MYO5B: variants seen among roughly 807,000 people sequenced by gnomAD.
MYO5B encodes the protein myosin VB.
MYO5B carries 143 observed loss-of-function variants against 229.3 expected under a neutral mutation model. The observed-to-expected ratio is 0.62, with a 90% CI of 0.54 to 0.72. The LOEUF is 0.72. Ranked by LOEUF, MYO5B falls within the 30% of genes least tolerant of loss-of-function variation. The pLI is 0.00. For synonymous variants in MYO5B, 918 were observed against 885.2 expected (o/e 1.04, Z -0.66); for missense variants, 2,321 against 2,331.0 (o/e 1.00, Z 0.09).
At chr18:49,985,152 A>G (rs2025857514) in intron 7 of MYO5B, among the ~76,000 whole-genome samples, 1 of 152,224 alleles carries the variant, frequency 6.6e-6, no homozygotes, top group Non-Finnish European at 1.5e-5. Flanking sequence ...TTTTGAAAAG[A>G]TCTGATACAA....
intron 10 of MYO5B, among the ~76,000 whole-genome samples, chr18:49,965,457 A>T (rs539064053): frequency 2.1e-5 from 3 of 142,258 alleles, no homozygotes; most frequent in South Asian, 4.3e-4. Flanking sequence ...ACTTCTTTTC[A>T]CACACACACA....
At chr18:49,893,210 G>A (rs75357810) in intron 22 of MYO5B, among the ~76,000 whole-genome samples, 2,305 of 152,308 alleles carry the variant, frequency 0.015, 53 homozygotes, top group African/African-American at 0.053. Context: ...GACAGAGATA[G>A]GTGAGACCTG....
intron 1 of MYO5B, among the ~76,000 whole-genome samples, chr18:50,120,331 C>A (rs1349873964): frequency 6.6e-6 from 1 of 152,230 alleles, no homozygotes; most frequent in Non-Finnish European, 1.5e-5. Context: ...CCATAGGTTT[C>A]TAGCATCTGT....
At chr18:49,948,090 T>G (rs1366006854) in intron 14 of MYO5B, among the ~76,000 whole-genome samples, 2 of 152,028 alleles carry the variant, frequency 1.3e-5, no homozygotes, top group African/African-American at 4.8e-5. Flanking sequence ...CAATTACAGC[T>G]GACACATAGC....
intron 1 of MYO5B, among the ~76,000 whole-genome samples, chr18:50,134,542 G>A (rs1297905217): frequency 6.7e-6 from 1 of 149,324 alleles, no homozygotes; most frequent in East Asian, 2.0e-4. Flanking sequence ...GCGATAGAGT[G>A]AGACTCCATC....
intron 1 of MYO5B, among the ~76,000 whole-genome samples, chr18:50,082,730 A>G (rs2031248220): frequency 6.6e-6 from 1 of 152,230 alleles, no homozygotes; most frequent in African/African-American, 2.4e-5. Context: ...CTTCAGTTAA[A>G]AAATGAATGG....
chr18:49,965,797 G>A (rs1421618837), intron 10 of MYO5B, among the ~76,000 whole-genome samples: 1 of 152,136 alleles, frequency 6.6e-6, no homozygotes, highest in Admixed American at 6.5e-5. Context: ...AAAAACAGAT[G>A]AGGTGGAAGG....
chr18:49,999,981 T>C (rs757251126), intron 5 of MYO5B, among the ~76,000 whole-genome samples: 7 of 152,242 alleles, frequency 4.6e-5, no homozygotes, highest in Non-Finnish European at 1.0e-4. Flanking sequence ...TAAGAACAAA[T>C]ACTGAAACTT....
chr18:50,031,304 GAGGA>G (rs1363905258), intron 4 of MYO5B, among the ~76,000 whole-genome samples: 1 of 152,116 alleles, frequency 6.6e-6, no homozygotes, highest in Non-Finnish European at 1.5e-5. Context: ...TCAGGTAATG[GAGGA>G]AGCTGTGCAG....
At chr18:49,939,334 C>G (rs1376924459) in intron 14 of MYO5B, among the ~76,000 whole-genome samples, 24 of 151,778 alleles carry the variant, frequency 1.6e-4, no homozygotes, top group Non-Finnish European at 1.5e-4. Context: ...TTAGTACAGA[C>G]AGGGTTTCAC....
rs78183548 is a variant in MYO5B, at chr18:50,063,182, G to A, written c.28-7804C>T. ...GGAACAGAGAAGCTCAGCGCTTCCA[G>A]ATTATTTCCCGAGTTAACTCCTCCT... On this transcript the variant is annotated intron_variant, in intron 1 of 39. Transcript: ENST00000285039. Among the ~76,000 whole-genome samples the A allele has an allele frequency of 2.0e-3, 310 of 152,206 alleles. 4 individuals are homozygous for A. The East Asian group carries it at 0.025, about 12-fold the overall frequency.
intron 22 of MYO5B, among the ~76,000 whole-genome samples, chr18:49,881,182 A>G (rs1217637): frequency 0.6 from 91,453 of 152,024 alleles, 27,550 homozygotes; most frequent in Middle Eastern, 0.67. Context: ...TTGGGTCCAC[A>G]TCAGCTTTCA....
chr18:49,888,986 T>C (rs1787612), intron 22 of MYO5B, among the ~76,000 whole-genome samples: 88,320 of 152,012 alleles, frequency 0.58, 25,818 homozygotes, highest in Middle Eastern at 0.67. Flanking sequence ...GTCCTCAACG[T>C]GGACCTAGGG....
Position 50,131,986 on chromosome 18 carries a change from T to C in MYO5B, c.27+62781A>G, listed in dbSNP as rs536472689. ...TTTCTGTACCTGCAGTTTTCCCCCATTGGCACTATTTTTTCCCAAACAATA... is the reference window on the plus strand; with the variant it reads ...TTTCTGTACCTGCAGTTTTCCCCCACTGGCACTATTTTTTCCCAAACAATA... On this transcript the variant is annotated intron_variant, in intron 1 of 39. Coordinates refer to ENST00000285039, the MANE Select transcript of MYO5B (RefSeq NM_001080467.3). Among the ~76,000 whole-genome samples, 7 of 152,308 alleles carry C rather than the reference T, an allele frequency of 4.6e-5. No homozygotes were observed. The South Asian group carries it at 1.5e-3, about 32-fold the overall frequency.
At chr18:49,895,305 G>A (rs1047035893) in intron 21 of MYO5B, 131 bp from the exon 22 acceptor site, 13 of 751,434 alleles carry the variant, frequency 1.7e-5, no homozygotes, top group Middle Eastern at 2.3e-4. Context: ...CACAATCATT[G>A]CATGCTCAAG....
chr18:49,829,829 T>C (rs2023892283), intron 39 of MYO5B, among the ~76,000 whole-genome samples: 2 of 152,194 alleles, frequency 1.3e-5, no homozygotes, highest in African/African-American at 2.4e-5. Flanking sequence ...ATTAACAGAA[T>C]GAAGAGGAAA....
intron 1 of MYO5B, among the ~76,000 whole-genome samples, chr18:50,190,176 G>A (rs1047563029): frequency 2.0e-5 from 3 of 152,208 alleles, no homozygotes; most frequent in Admixed American, 2.0e-4. Flanking sequence ...TTTGTTCCAA[G>A]TAACTCTTCT....
rs771235825 is a variant in MYO5B, at chr18:49,837,780, C to G, written c.4875G>C (p.Glu1625Asp). The part of the protein sequence containing the change: ...PMIVSAMLEN[E>D]SIQGLSGVKP... ...TCACACCAGATAGACCCTGAATGCT[C>G]TCATTTTCCAACATGGCAGAAACTG... Residue 1625 changes from glutamate (E) to aspartate (D), a missense_variant, in exon 37 of 40, where the codon GAG (glutamate) becomes GAC (aspartate). By Grantham distance (45) the Glu-to-Asp change is conservative. Coordinates refer to ENST00000285039, the MANE Select transcript of MYO5B (RefSeq NM_001080467.3). 1 of 1,614,140 alleles carries G rather than the reference C, an allele frequency of 6.2e-7. No individual in the cohort carries two copies. Among genetic ancestry groups the G allele is most frequent in the Admixed American group, 1.7e-5 (1 of 60,026 alleles).
intron 8 of MYO5B, among the ~76,000 whole-genome samples, chr18:49,980,819 C>T (rs201590936): frequency 9.3e-6 from 1 of 107,568 alleles, no homozygotes; most frequent in Non-Finnish European, 2.1e-5. Context: ...GCCATTTTAA[C>T]TTCTCAAAGA....
Sources: gnomAD v4.1 joint callset for allele counts (sites outside exome capture counted in the v4.1 genomes callset) on GRCh38, gnomAD v4.1.1 for gene constraint, MANE v1.5 for transcripts, NCBI Gene and HGNC (gene_info 2026-07-23, HGNC 2026-07-21) for gene names.